The following TRIM24 variants were observed in gnomAD, a reference collection of about 807,000 sequenced individuals.
The protein encoded by TRIM24 is transcription intermediary factor 1-alpha.
Under a neutral mutation model 123.9 loss-of-function variants are expected in TRIM24, and 29 were observed. The observed-to-expected ratio is 0.23, with a 90% CI of 0.17 to 0.32. The LOEUF is 0.32. Ranked by LOEUF, TRIM24 falls within the 10% of genes least tolerant of loss-of-function variation. The probability of loss-of-function intolerance (pLI) is 1.00; values close to 1 mark genes in which losing one functional copy is unlikely to be tolerated. For missense variants in TRIM24, 932 were observed against 1,295.3 expected, an observed-to-expected ratio of 0.72 and a Z score of 4.31; for synonymous variants, 456 against 461.1, an observed-to-expected ratio of 0.99 and a Z score of 0.14.
Position 138,528,713 on chromosome 7 carries a change from C to T in TRIM24, c.882-403C>T, listed in dbSNP as rs563752151. Among the ~76,000 whole-genome samples the T allele has an allele frequency of 1.9e-4, 29 of 151,154 alleles. No individual in the cohort carries two copies. The South Asian group carries it at 5.2e-3, about 27-fold the overall frequency. Reference sequence around the variant, plus strand: ...GTCACATATACACTTTTCTAGCTTTCGGTTGCAATTAATATAGTAGAACAT... The same window carrying T: ...GTCACATATACACTTTTCTAGCTTTTGGTTGCAATTAATATAGTAGAACAT... On this transcript the variant is annotated intron_variant, in intron 5 of 18. Transcript: ENST00000343526.
At position 138,584,026 on chromosome 7, in the gene TRIM24, G is replaced by A. The variant is rs183201126; in HGVS notation, c.2943+27G>A. On this transcript the variant is annotated intron_variant, in intron 18 of 18. Transcript: ENST00000343526. ...TGAGGCTAGGGGAGGGAAGGGGGCAGGAAGGAACAGCAGTGTGAAAATCAT... is the reference window on the plus strand; with the variant it reads ...TGAGGCTAGGGGAGGGAAGGGGGCAAGAAGGAACAGCAGTGTGAAAATCAT... The A allele has an allele frequency of 1.6e-5, 26 of 1,583,414 alleles. No individual in the cohort carries two copies. In the Admixed American group the frequency reaches 4.7e-4, roughly 29 times the overall value.
At chr7:138,497,839 C>T (rs561689315) in intron 1 of TRIM24, among the ~76,000 whole-genome samples, 11 of 150,454 alleles carry the variant, frequency 7.3e-5, no homozygotes, top group Admixed American at 2.7e-4. Context: ...TACAGGCACA[C>T]GCCACCATAC....
Position 138,466,137 on chromosome 7 carries a change from G to A in TRIM24, c.364+5225G>A, listed in dbSNP as rs540442925. 3.1e-3 allele frequency among the ~76,000 whole-genome samples: 469 copies of A among 152,218 alleles called. 5 individuals are homozygous for A. The highest frequency in any genetic ancestry group is 5.6e-3 in the Non-Finnish European group (384 of 68,012). On this transcript the variant is annotated intron_variant, in intron 1 of 18. Transcript: ENST00000343526. ...TCCTGCCTCAGCCTCCCAAGCAGCT[G>A]GGATTACACTACACCTGGCTAATTT... is the stretch of plus-strand genomic sequence containing the variant.
In TRIM24 at chr7:138,567,707, A is replaced by AAATC. The variant is rs530132880; in HGVS notation, c.1704+55_1704+58dup. 3.0e-4 allele frequency: 453 copies of AAATC among 1,494,182 alleles called. 1 individual carries two copies. In the African/African-American group the frequency reaches 6.0e-3, roughly 20 times the overall value. 92.6% of individuals were successfully genotyped at this position (1,494,182 alleles called of 1,614,324 possible). On this transcript the variant is annotated intron_variant, in intron 10 of 18. Coordinates refer to ENST00000343526, the MANE Select transcript of TRIM24 (RefSeq NM_015905.3). ...GCTTTTTCTGCTGCTTTCTACTTTC[A>AAATC]AATCACAAAGAATTTACAGATTAAG...
At position 138,531,245 on chromosome 7, in the gene TRIM24, CATGTTACAT is replaced by C. The variant is rs377467821; in HGVS notation, c.996+2030_996+2038del. 5.9e-4 allele frequency among the ~76,000 whole-genome samples: 86 copies of C among 146,622 alleles called. 1 individual carries two copies. In the Middle Eastern group the frequency reaches 0.014, roughly 24 times the overall value. ...ACATACGTATACATGTTACACGTTA[CATGTTACAT>C]ATGTTACATATGTTTACATGTGTTA... On this transcript the variant is annotated intron_variant, in intron 6 of 18. Coordinates refer to ENST00000343526, the MANE Select transcript of TRIM24 (RefSeq NM_015905.3).
At chr7:138,520,087 G>C (rs964043668) in intron 4 of TRIM24, among the ~76,000 whole-genome samples, 2 of 152,328 alleles carry the variant, frequency 1.3e-5, no homozygotes, top group East Asian at 3.9e-4. Flanking sequence ...GGACAGGATT[G>C]GGTTGGAGTT....
At chr7:138,555,057 A>G (rs558293008) in intron 9 of TRIM24, 91 bp downstream of exon 9, 1 of 1,313,082 alleles carries the variant, frequency 7.6e-7, no homozygotes, top group South Asian at 1.5e-5. Context: ...CATTTTCCAT[A>G]CTCTAAATAT....
chr7:138,559,232 A>C (rs548137388), intron 9 of TRIM24, among the ~76,000 whole-genome samples: 5 of 152,220 alleles, frequency 3.3e-5, no homozygotes. Flanking sequence ...CACTCATAAT[A>C]AATATAGTAC....
chr7:138,542,218 G>C (rs1478865638), intron 7 of TRIM24, among the ~76,000 whole-genome samples: 1 of 152,164 alleles, frequency 6.6e-6, no homozygotes, highest in African/African-American at 2.4e-5. Context: ...CTAGCTTTCA[G>C]CCTGTCTCAG....
intron 1 of TRIM24, among the ~76,000 whole-genome samples, chr7:138,486,395 T>A (rs1040551127): frequency 6.6e-6 from 1 of 152,158 alleles, no homozygotes; most frequent in African/African-American, 2.4e-5. Context: ...GGTGTTTTAG[T>A]CATGAAGTCC....
At chr7:138,488,481 A>G (rs1309650201) in intron 1 of TRIM24, among the ~76,000 whole-genome samples, 3 of 152,204 alleles carry the variant, frequency 2.0e-5, no homozygotes. Context: ...TCTTGTGGGC[A>G]TTTAGTGCTA....
rs113425807 is a variant in TRIM24, at chr7:138,508,720, CGTGTGTGTGTGTGT to C, written c.483+4325_483+4338del. On this transcript the variant is annotated intron_variant, in intron 2 of 18. Coordinates refer to ENST00000343526, the MANE Select transcript of TRIM24 (RefSeq NM_015905.3). ...GCGCGCGTGTGTGCGTGTGTGTGTG[CGTGTGTGTGTGTGT>C]GTGTGTGTGTGTCACTCTGTTTGAG... Among the ~76,000 whole-genome samples, 22 of 72,512 alleles carry C rather than the reference CGTGTGTGTGTGTGT, an allele frequency of 3.0e-4. No homozygotes were observed. The East Asian group carries it at 3.6e-3, about 12-fold the overall frequency. 47.6% of individuals were successfully genotyped at this position (72,512 alleles called of 152,430 possible). A position where few individuals can be genotyped will look rare whatever the true frequency, so the allele number is the denominator to read the frequency against.
At chr7:138,540,279 A>C (rs1796976184) in intron 7 of TRIM24, among the ~76,000 whole-genome samples, 1 of 152,184 alleles carries the variant, frequency 6.6e-6, no homozygotes, top group African/African-American at 2.4e-5. Flanking sequence ...TTTTTAGTGG[A>C]AGATTTCTCC....
intron 12 of TRIM24, among the ~76,000 whole-genome samples, chr7:138,575,242 GT>G (rs1194890678): frequency 6.6e-6 from 1 of 152,124 alleles, no homozygotes; most frequent in Admixed American, 6.6e-5. Flanking sequence ...TATTTTTATA[GT>G]TTTCAACTAT....
At chr7:138,526,255 A>G (rs1796608392) in intron 5 of TRIM24, among the ~76,000 whole-genome samples, 1 of 152,104 alleles carries the variant, frequency 6.6e-6, no homozygotes, top group African/African-American at 2.4e-5. Context: ...AGCATTTGGG[A>G]ATTTTTTTAA....
intron 18 of TRIM24, 73 bp from the exon 19 acceptor site, chr7:138,584,669 G>C: frequency 8.2e-7 from 1 of 1,212,582 alleles, no homozygotes; most frequent in Non-Finnish European, 1.1e-6. Flanking sequence ...TTTCAAAACA[G>C]CTCATTAATA....
Position 138,586,974 on chromosome 7 carries a change from A to G in TRIM24, c.*2023A>G, listed in dbSNP as rs1385443260. 1 of 152,202 alleles carries G rather than the reference A, an allele frequency of 6.6e-6. No homozygotes were observed. Among genetic ancestry groups the G allele is most frequent in the Non-Finnish European group, 1.5e-5 (1 of 68,042 alleles). 9.4% of individuals were successfully genotyped at this position (152,202 alleles called of 1,614,324 possible). A position where few individuals can be genotyped will look rare whatever the true frequency, so the allele number is the denominator to read the frequency against. ...TGCCATATTTATCTTTCAAAACAGT[A>G]TTTGTTTCACCCTAACCATCTTTGG... On this transcript the variant is annotated 3_prime_UTR_variant, in exon 19 of 19. Transcript: ENST00000343526.
chr7:138,570,618 A>G (rs1797633312), intron 10 of TRIM24, among the ~76,000 whole-genome samples: 1 of 151,160 alleles, frequency 6.6e-6, no homozygotes, highest in Non-Finnish European at 1.5e-5. Flanking sequence ...GTCTTCCAGT[A>G]AAAATCAGTG....
intron 15 of TRIM24, among the ~76,000 whole-genome samples, chr7:138,580,027 T>C (rs1240023679): frequency 1.3e-5 from 2 of 152,210 alleles, no homozygotes; most frequent in African/African-American, 2.4e-5. Flanking sequence ...CAGTTTATTA[T>C]GTCTTTTTGC....
Sources: gnomAD v4.1 joint callset for allele counts (sites outside exome capture counted in the v4.1 genomes callset) on GRCh38, gnomAD v4.1.1 for gene constraint, MANE v1.5 for transcripts, NCBI Gene and HGNC (gene_info 2026-07-23, HGNC 2026-07-21) for gene names.